The following MCU variants were observed in gnomAD, a reference collection of about 807,000 sequenced individuals.
The protein encoded by MCU is calcium uniporter protein, mitochondrial.
MCU carries 12 observed loss-of-function variants against 45.2 expected under a neutral mutation model. The ratio of observed to expected loss-of-function variants is 0.27; its 90% CI spans 0.17 to 0.43. The LOEUF is 0.43. Ranked by LOEUF, MCU falls within the 20% of genes least tolerant of loss-of-function variation. The probability of loss-of-function intolerance (pLI) is 1.00; values close to 1 mark genes in which losing one functional copy is unlikely to be tolerated. For missense variants in MCU, 324 were observed against 436.7 expected, an observed-to-expected ratio of 0.74 and a Z score of 2.30; for synonymous variants, 160 against 165.1, an observed-to-expected ratio of 0.97 and a Z score of 0.24.
At chr10:72,705,989 A>G (rs1258361515) in intron 1 of MCU, among the ~76,000 whole-genome samples, 2 of 152,160 alleles carry the variant, frequency 1.3e-5, no homozygotes. Flanking sequence ...TCTCAAAAAA[A>G]AAGGGGGTAT....
intron 1 of MCU, among the ~76,000 whole-genome samples, chr10:72,807,424 G>A (rs746803894): frequency 6.6e-6 from 1 of 150,868 alleles, no homozygotes; most frequent in African/African-American, 2.4e-5. Flanking sequence ...AACTTTTAAT[G>A]TGGTCTAAGC....
At chr10:72,823,878 A>T (rs1844751982) in intron 1 of MCU, among the ~76,000 whole-genome samples, 1 of 151,964 alleles carries the variant, frequency 6.6e-6, no homozygotes, top group Admixed American at 6.6e-5. Context: ...CTGGCAACAT[A>T]GCCAAACCTC....
chr10:72,697,426 ATTTTTTTTT>A (rs1001610262), intron 1 of MCU, among the ~76,000 whole-genome samples: 2 of 64,136 alleles, frequency 3.1e-5, no homozygotes, highest in Non-Finnish European at 5.9e-5. Context: ...CCAGACTTCT[ATTTTTTTTT>A]TTTTTTTTTT....
intron 1 of MCU, among the ~76,000 whole-genome samples, chr10:72,819,984 A>G (rs1489496353): frequency 6.6e-6 from 1 of 152,162 alleles, no homozygotes; most frequent in Non-Finnish European, 1.5e-5. Context: ...TTACCCATTG[A>G]AGAAAAGTCT....
intron 1 of MCU, among the ~76,000 whole-genome samples, chr10:72,774,672 A>T (rs1049243077): frequency 3.3e-5 from 5 of 152,268 alleles, no homozygotes; most frequent in Middle Eastern, 6.8e-3. Context: ...TAATAAAGTC[A>T]CACATAAGCT....
At chr10:72,807,664 C>T (rs1476161831) in intron 1 of MCU, among the ~76,000 whole-genome samples, 1 of 152,190 alleles carries the variant, frequency 6.6e-6, no homozygotes, top group Non-Finnish European at 1.5e-5. Flanking sequence ...CTCTCACACA[C>T]ACACATAAGC....
At chr10:72,742,080 A>G (rs1160182868) in intron 1 of MCU, among the ~76,000 whole-genome samples, 2 of 151,986 alleles carry the variant, frequency 1.3e-5, no homozygotes, top group African/African-American at 4.8e-5. Context: ...TAACCTGCAT[A>G]TATGGATGGT....
intron 1 of MCU, among the ~76,000 whole-genome samples, chr10:72,746,787 TC>T (rs1843420799): frequency 6.6e-6 from 1 of 152,224 alleles, no homozygotes; most frequent in Non-Finnish European, 1.5e-5. Flanking sequence ...TATTTGGACT[TC>T]TAATCCCTGC....
intron 1 of MCU, among the ~76,000 whole-genome samples, chr10:72,753,001 A>C (rs1239189127): frequency 6.6e-6 from 1 of 152,192 alleles, no homozygotes; most frequent in Non-Finnish European, 1.5e-5. Flanking sequence ...TGTGGATATA[A>C]AACACCATCT....
intron 1 of MCU, among the ~76,000 whole-genome samples, chr10:72,695,208 A>C (rs1842670868): frequency 6.6e-6 from 1 of 152,232 alleles, no homozygotes; most frequent in Non-Finnish European, 1.5e-5. Flanking sequence ...TCTAGCAGTT[A>C]ACGGCTATGC....
chr10:72,857,022 C>CTGTAGAT (rs1845303127), intron 2 of MCU, among the ~76,000 whole-genome samples: 1 of 151,492 alleles, frequency 6.6e-6, no homozygotes, highest in African/African-American at 2.4e-5. Context: ...TCATAGCTCA[C>CTGTAGAT]TGTAGATTCA....
chr10:72,805,115 CTT>C (rs1268940114), intron 1 of MCU, among the ~76,000 whole-genome samples: 2 of 127,754 alleles, frequency 1.6e-5, no homozygotes, highest in African/African-American at 3.6e-5. Flanking sequence ...TTCTTTCTTT[CTT>C]TCTTTCTTTC....
intron 1 of MCU, among the ~76,000 whole-genome samples, chr10:72,808,649 A>T (rs1468423911): frequency 6.6e-6 from 1 of 152,226 alleles, no homozygotes; most frequent in African/African-American, 2.4e-5. Context: ...TGGGTAATTT[A>T]TAAAGAAGAG....
chr10:72,757,895 C>T (rs893983001), intron 1 of MCU, among the ~76,000 whole-genome samples: 3 of 152,192 alleles, frequency 2.0e-5, no homozygotes, highest in Non-Finnish European at 4.4e-5. Context: ...CAGGAGAAAC[C>T]TCAGTGAGAA....
intron 2 of MCU, among the ~76,000 whole-genome samples, chr10:72,853,516 A>G (rs992775894): frequency 2.0e-5 from 3 of 152,234 alleles, no homozygotes; most frequent in Non-Finnish European, 2.9e-5. Flanking sequence ...CTGTGGGACA[A>G]TATCACAATG....
At chr10:72,867,651 A>C (rs1376767830) in intron 4 of MCU, among the ~76,000 whole-genome samples, 2 of 152,248 alleles carry the variant, frequency 1.3e-5, no homozygotes, top group Admixed American at 1.3e-4. Flanking sequence ...CAGGAGATCA[A>C]GACCATCCTG....
intron 1 of MCU, among the ~76,000 whole-genome samples, chr10:72,747,119 A>C (rs753587050): frequency 5.3e-5 from 8 of 152,162 alleles, no homozygotes; most frequent in Non-Finnish European, 1.2e-4. Flanking sequence ...CTTTTAGTCC[A>C]TGTTTAGTGC....
intron 5 of MCU, among the ~76,000 whole-genome samples, chr10:72,869,624 C>CA: frequency 6.6e-6 from 1 of 151,958 alleles, no homozygotes; most frequent in South Asian, 2.1e-4. Context: ...AACAAAATAA[C>CA]AATACAACAA....
At chr10:72,720,794 G>A (rs999666312) in intron 1 of MCU, among the ~76,000 whole-genome samples, 2 of 152,162 alleles carry the variant, frequency 1.3e-5, no homozygotes, top group African/African-American at 4.8e-5. Context: ...AAATGTATAT[G>A]TTGATCAATT....
Sources: gnomAD v4.1 joint callset for allele counts (sites outside exome capture counted in the v4.1 genomes callset) on GRCh38, gnomAD v4.1.1 for gene constraint, MANE v1.5 for transcripts, NCBI Gene and HGNC (gene_info 2026-07-23, HGNC 2026-07-21) for gene names.